Variants in XRCC2 observed in about 807,000 individuals in gnomAD.
XRCC2 encodes DNA repair protein XRCC2.
Under a neutral mutation model 27.3 loss-of-function variants are expected in XRCC2, and 24 were observed. The observed-to-expected ratio is 0.88, with a 90% confidence interval of 0.64 to 1.24. The LOEUF (loss-of-function observed/expected upper bound fraction) is 1.24. XRCC2 is among the 50% of genes most tolerant of loss of function. XRCC2 has a pLI of 0.00. For synonymous variants in XRCC2, 106 were observed against 115.4 expected (o/e 0.92, Z 0.52); for missense variants, 321 against 325.8 (o/e 0.99, Z 0.11).
intron 1 of XRCC2, among the ~76,000 whole-genome samples, chr7:152,661,695 A>C (rs1029538530): frequency 6.6e-6 from 1 of 152,354 alleles, no homozygotes; most frequent in East Asian, 1.9e-4. Flanking sequence ...AAGCCCTACA[A>C]GAGAGCAGAA....
rs3218431 is a variant in XRCC2, at chr7:152,666,964, A to G, written c.40-6182T>C. On this transcript the variant is annotated intron_variant, in intron 1 of 2. Transcript: ENST00000359321. ...CAAGAAAGAGCACGTGGAAACAACT[A>G]TAAAATATCTTCAAAGGCATGTATA... is the stretch of plus-strand genomic sequence containing the variant. Among the ~76,000 whole-genome samples the G allele has an allele frequency of 7.7e-3, 1,180 of 152,278 alleles. 17 individuals carry two copies. The highest frequency in any genetic ancestry group is 0.027 in the African/African-American group (1,103 of 41,568).
chr7:152,672,882 TA>T (rs1428018377), intron 1 of XRCC2, among the ~76,000 whole-genome samples: 2 of 152,212 alleles, frequency 1.3e-5, no homozygotes, highest in African/African-American at 4.8e-5. Flanking sequence ...CCAATTATTT[TA>T]AAATTCAAGG....
intron 1 of XRCC2, among the ~76,000 whole-genome samples, chr7:152,668,082 C>T (rs2098036725): frequency 6.6e-6 from 1 of 152,038 alleles, no homozygotes; most frequent in South Asian, 2.1e-4. Context: ...CTGGTCCCCC[C>T]TTATCTGCAG....
intron 2 of XRCC2, among the ~76,000 whole-genome samples, chr7:152,659,884 A>G (rs2098032306): frequency 6.6e-6 from 1 of 152,222 alleles, no homozygotes; most frequent in Non-Finnish European, 1.5e-5. Flanking sequence ...CAGCAAATGG[A>G]AACAACCCAA....
intron 2 of XRCC2, among the ~76,000 whole-genome samples, chr7:152,654,966 C>T (rs2116993955): frequency 6.6e-6 from 1 of 152,132 alleles, no homozygotes; most frequent in South Asian, 2.1e-4. Flanking sequence ...AGATCAAAAC[C>T]TGTAATCAAA....
At chr7:152,660,895 G>T in intron 1 of XRCC2, 113 bp from the exon 2 acceptor site, 2 of 904,620 alleles carry the variant, frequency 2.2e-6, no homozygotes, top group Non-Finnish European at 3.3e-6. Context: ...TAGGCTGGGT[G>T]CTGTGGCTCA....
At chr7:152,660,663 A>G (rs1003734661) in intron 2 of XRCC2, 38 bp downstream of exon 2, 2 of 1,550,704 alleles carry the variant, frequency 1.3e-6, no homozygotes, top group Non-Finnish European at 1.8e-6. Flanking sequence ...CCTTTTATAA[A>G]GATTTGCATT....
At chr7:152,669,063 A>C (rs760153720) in intron 1 of XRCC2, among the ~76,000 whole-genome samples, 1 of 152,134 alleles carries the variant, frequency 6.6e-6, no homozygotes, top group Non-Finnish European at 1.5e-5. Context: ...ACAAGGACTA[A>C]ACTGAGTTTT....
intron 2 of XRCC2, among the ~76,000 whole-genome samples, chr7:152,659,236 AT>A (rs1285578483): frequency 2.0e-5 from 3 of 152,228 alleles, no homozygotes; most frequent in Non-Finnish European, 4.4e-5. Context: ...ATAAGACAAA[AT>A]AAAAAGTTAT....
chr7:152,670,531 A>T (rs3218408), intron 1 of XRCC2, among the ~76,000 whole-genome samples: 2 of 152,084 alleles, frequency 1.3e-5, no homozygotes, highest in African/African-American at 4.8e-5. Context: ...ACTACCATCA[A>T]GGTACAAACA....
Position 152,676,033 on chromosome 7 carries a change from G to C in XRCC2, c.39+8C>G, listed in dbSNP as rs200363289. 7.3e-5 allele frequency: 118 copies of C among 1,613,558 alleles called. No homozygotes were observed. The highest frequency in any genetic ancestry group is 3.3e-4 in the Middle Eastern group (2 of 6,084). ...CATCTCCCTCACTCCCAACCCGGCG[G>C]CTCTCACCTCGGTCCCAGACTCAGC... On this transcript the variant is annotated splice_region_variant and intron_variant, in intron 1 of 2. Coordinates refer to ENST00000359321, the MANE Select transcript of XRCC2 (RefSeq NM_005431.2).
intron 1 of XRCC2, among the ~76,000 whole-genome samples, chr7:152,672,337 A>G (rs1346470655): frequency 3.3e-5 from 5 of 152,224 alleles, no homozygotes; most frequent in Non-Finnish European, 5.9e-5. Flanking sequence ...GAAACATTAA[A>G]TATTTGTCTT....
intron 1 of XRCC2, among the ~76,000 whole-genome samples, chr7:152,665,486 C>CTTT (rs1563032158): frequency 3.1e-3 from 111 of 35,760 alleles, no homozygotes; most frequent in Non-Finnish European, 5.1e-3. Context: ...GTAAGACAAA[C>CTTT]CTTTTTTTTT....
At chr7:152,651,558 C>T (rs1228184740) in intron 2 of XRCC2, among the ~76,000 whole-genome samples, 1 of 152,126 alleles carries the variant, frequency 6.6e-6, no homozygotes, top group East Asian at 1.9e-4. Context: ...CACCAAATTT[C>T]CACCATAATC....
chr7:152,651,243 CTTA>C (rs770048151), intron 2 of XRCC2, among the ~76,000 whole-genome samples: 4 of 151,936 alleles, frequency 2.6e-5, no homozygotes, highest in Non-Finnish European at 5.9e-5. Context: ...CCTGGCCTTT[CTTA>C]TTATTATCAA....
chr7:152,663,428 G>A (rs1178132032), intron 1 of XRCC2, among the ~76,000 whole-genome samples: 1 of 144,574 alleles, frequency 6.9e-6, no homozygotes, highest in South Asian at 2.3e-4. Flanking sequence ...TATTCTTTGT[G>A]ATGACATGAG....
Position 152,648,635 on chromosome 7 carries a change from A to G in XRCC2, c.*7T>C, listed in dbSNP as rs149967312. The G allele has an allele frequency of 3.8e-6, 6 of 1,584,462 alleles. No homozygotes were observed. The highest frequency in any genetic ancestry group is 5.1e-6 in the Non-Finnish European group (6 of 1,168,622). On this transcript the variant is annotated 3_prime_UTR_variant, in exon 3 of 3. Coordinates refer to ENST00000359321, the MANE Select transcript of XRCC2 (RefSeq NM_005431.2). ...GTACCCTGCAAAAGACTATTTTATG[A>G]TGTATATCAACAAAATTCAACCCCA...
At chr7:152,654,183 G>A (rs1020608819) in intron 2 of XRCC2, among the ~76,000 whole-genome samples, 7 of 103,562 alleles carry the variant, frequency 6.8e-5, no homozygotes, top group Non-Finnish European at 1.3e-4. Flanking sequence ...GGCAACAGGA[G>A]TGAAACTCCA....
intron 2 of XRCC2, among the ~76,000 whole-genome samples, chr7:152,652,613 A>C (rs1390490837): frequency 6.6e-6 from 1 of 152,074 alleles, no homozygotes; most frequent in East Asian, 1.9e-4. Flanking sequence ...ACACTATATA[A>C]TCACTATTTA....
Sources: allele counts gnomAD v4.1 joint callset (sites outside exome capture counted in the v4.1 genomes callset), GRCh38; gene constraint gnomAD v4.1.1; transcripts MANE v1.5; gene names NCBI Gene and HGNC (gene_info 2026-07-23, HGNC 2026-07-21).